Variants in ATM observed in about 807,000 individuals in gnomAD.
ATM encodes serine-protein kinase ATM.
A neutral mutation model predicts 387.0 loss-of-function variants in ATM; 308 were observed. The observed-to-expected ratio is 0.80, with a 90% CI of 0.73 to 0.87. The LOEUF (loss-of-function observed/expected upper bound fraction) is 0.87. ATM is among the 40% of genes least tolerant of loss of function. The pLI is 0.00. For synonymous variants in ATM, 1,156 were observed against 1,187.3 expected, an observed-to-expected ratio of 0.97 and a Z score of 0.54; for missense variants, 3,312 against 3,560.9, an observed-to-expected ratio of 0.93 and a Z score of 1.78.
chr11:108,311,153 T>A (rs1454250159), intron 39 of ATM, among the ~76,000 whole-genome samples: 2 of 152,072 alleles, frequency 1.3e-5, no homozygotes, highest in African/African-American at 2.4e-5. Context: ...ATTTTTATTT[T>A]TAATAGAGAC....
intron 5 of ATM, 197 bp downstream of exon 5, chr11:108,236,031 A>G (rs1032794815): frequency 2.8e-5 from 17 of 604,762 alleles, no homozygotes; most frequent in African/African-American, 2.8e-4. Flanking sequence ...CATGAATAAT[A>G]TATCAGGTGC....
In ATM at chr11:108,310,312, A is replaced by C. The variant is rs730881377; in HGVS notation, c.5915A>C (p.Lys1972Thr). The C allele has an allele frequency of 1.9e-6, 3 of 1,612,798 alleles. No individual in the cohort carries two copies. The highest frequency in any genetic ancestry group is 1.7e-6 in the Non-Finnish European group (2 of 1,179,226). The change falls in exon 39 of 63, where the codon AAA becomes ACA. Residue 1972 changes from lysine (K) to threonine (T), a missense_variant. Physicochemically the swap from Lys to Thr is moderately conservative, Grantham distance 78. Around this residue, in one of 4 missense-constraint regions of ATM, gnomAD observed 1,405 missense variants for 1,604.4 expected, o/e 0.88. Transcript: ENST00000675843. ...AAGAAAAGTATGGATGATCAAGAGAAAAGGTAATGGAATTTAGAATTTTTG... is the reference window on the plus strand; with the variant it reads ...AAGAAAAGTATGGATGATCAAGAGACAAGGTAATGGAATTTAGAATTTTTG... Reference protein sequence around the residue: ...ADKKSMDDQEKRSLAFEEGSQ... With the variant: ...ADKKSMDDQETRSLAFEEGSQ...
chr11:108,325,957 G>A, intron 46 of ATM, 101 bp from the exon 47 acceptor site: 1 of 1,411,276 alleles, frequency 7.1e-7, no homozygotes, highest in Non-Finnish European at 9.8e-7. Context: ...AAGTAGTTAA[G>A]TCCTCAATGA....
chr11:108,338,690 A>G (rs1387341710), intron 56 of ATM, among the ~76,000 whole-genome samples: 2 of 152,040 alleles, frequency 1.3e-5, no homozygotes, highest in Admixed American at 1.3e-4. Context: ...GGTAACCCAG[A>G]TAATTAATTA....
Position 108,254,058 on chromosome 11 carries a change from A to T in ATM, c.2124+19A>T. On this transcript the variant is annotated intron_variant, in intron 13 of 62. Transcript: ENST00000675843. The stretch of plus-strand genomic sequence containing the variant: ...ATCTGAGGTGAGATTTTTTAAAAAA[A>T]GAACTAAGCTTATATATGATTCAAC... The T allele has an allele frequency of 6.2e-7, 1 of 1,607,328 alleles. No individual in the cohort carries two copies. Among genetic ancestry groups the T allele is most frequent in the Non-Finnish European group, 8.5e-7 (1 of 1,175,336 alleles).
At chr11:108,314,043 C>T (rs1489070720) in intron 40 of ATM, among the ~76,000 whole-genome samples, 1 of 152,130 alleles carries the variant, frequency 6.6e-6, no homozygotes, top group African/African-American at 2.4e-5. Context: ...AAAGAAAAAT[C>T]CACGACCTTT....
chr11:108,297,528 TGTGTA>T (rs1407370669), intron 33 of ATM, 146 bp downstream of exon 33: 4 of 723,412 alleles, frequency 5.5e-6, no homozygotes, highest in Non-Finnish European at 9.6e-6. Context: ...GTAGCCTAGG[TGTGTA>T]GTAGGCTATA....
chr11:108,237,981 C>T (rs572761858), intron 5 of ATM, among the ~76,000 whole-genome samples: 2 of 139,452 alleles, frequency 1.4e-5, no homozygotes, highest in Admixed American at 7.9e-5. Flanking sequence ...GGCTGGAGTG[C>T]AGTGGCACGA....
At chr11:108,246,909 G>A (rs2079873896) in intron 7 of ATM, 55 bp from the exon 8 acceptor site, 1 of 1,415,898 alleles carries the variant, frequency 7.1e-7, no homozygotes, top group Non-Finnish European at 9.9e-7. Context: ...GTGGGAGCTA[G>A]CAGTGTAAAC....
chr11:108,241,388 T>A (rs966908731), intron 5 of ATM, among the ~76,000 whole-genome samples: 7 of 152,250 alleles, frequency 4.6e-5, no homozygotes, highest in Non-Finnish European at 1.0e-4. Flanking sequence ...AGTCATTTAT[T>A]ATCATTATCA....
At chr11:108,339,277 TAAAC>T (rs2087220738) in intron 56 of ATM, among the ~76,000 whole-genome samples, 1 of 152,186 alleles carries the variant, frequency 6.6e-6, no homozygotes, top group East Asian at 1.9e-4. Flanking sequence ...AAGTCTCTAA[TAAAC>T]AATATTTAAG....
intron 6 of ATM, among the ~76,000 whole-genome samples, chr11:108,244,324 G>A (rs1239375881): frequency 1.3e-5 from 2 of 152,122 alleles, no homozygotes; most frequent in African/African-American, 2.4e-5. Context: ...TTTCAAGGGG[G>A]AGATGTGTCT....
At chr11:108,356,841 A>AC (rs1206001856) in intron 61 of ATM, among the ~76,000 whole-genome samples, 5 of 152,148 alleles carry the variant, frequency 3.3e-5, no homozygotes. Flanking sequence ...CATTGTAAGG[A>AC]CTTTGGATTT....
intron 13 of ATM, 48 bp downstream of exon 13, chr11:108,254,087 G>A: frequency 6.4e-7 from 1 of 1,572,602 alleles, no homozygotes; most frequent in Non-Finnish European, 8.7e-7. Flanking sequence ...ATTCAACTTT[G>A]GTAAACTGTT....
At chr11:108,239,663 G>C (rs2079462524) in intron 5 of ATM, among the ~76,000 whole-genome samples, 4 of 152,148 alleles carry the variant, frequency 2.6e-5, no homozygotes. Context: ...CCCAGAAGTA[G>C]AATTGCTAGA....
Position 108,330,392 on chromosome 11 carries a change from G to C in ATM, c.7486G>C (p.Gly2496Arg), listed in dbSNP as rs1565530187. 6 of 1,614,098 alleles carry C rather than the reference G, an allele frequency of 3.7e-6. No homozygotes were observed. The highest frequency in any genetic ancestry group is 5.1e-6 in the Non-Finnish European group (6 of 1,179,994). The part of the protein sequence containing the change: ...RLCSLWLENS[G>R]VSEVNGMMKR... ...TTGTTCCCTCTGGCTTGAAAATTCT[G>C]GAGTTTCTGAAGTCAATGGCATGAT... Residue 2496 changes from glycine (G) to arginine (R), a missense_variant, in exon 50 of 63, where the codon GGA becomes CGA. Around this residue, in one of 4 missense-constraint regions of ATM, gnomAD observed 1,405 missense variants for 1,604.4 expected, o/e 0.88. Transcript: ENST00000675843.
intron 56 of ATM, among the ~76,000 whole-genome samples, chr11:108,339,050 G>A (rs1158081229): frequency 6.6e-6 from 1 of 152,146 alleles, no homozygotes; most frequent in Admixed American, 6.5e-5. Context: ...GGAGAGACTT[G>A]TATATTGAGG....
chr11:108,227,665 A>G lies in ATM; in HGVS notation c.41A>G (p.Gln14Arg), dbSNP rs749776879. The G allele has an allele frequency of 1.9e-6, 3 of 1,613,862 alleles. No homozygotes were observed. The highest frequency in any genetic ancestry group is 2.5e-6 in the Non-Finnish European group (3 of 1,179,886). The change falls in exon 2 of 63, where the codon CAA (glutamine) becomes CGA (arginine). Residue 14 changes from glutamine to arginine, a missense_variant. Coordinates refer to ENST00000675843, the MANE Select transcript of ATM (RefSeq NM_000051.4). ...AATGATCTGCTTATCTGCTGCCGTC[A>G]ACTAGAACATGATAGAGCTACAGAA... ...VLNDLLICCRQLEHDRATERK... is the reference protein window; with the variant it reads ...VLNDLLICCRRLEHDRATERK...
chr11:108,292,619 G>T lies in ATM; in HGVS notation c.4437G>T (p.Arg1479Ser), dbSNP rs1591673584. Residue 1479 changes from arginine to serine, a missense_variant and splice_region_variant, in exon 30 of 63, where the codon AGG becomes AGT. Transcript: ENST00000675843. ...TTGTTTTTTTTTCTCCCTATATTAG[G>T]CCTTCTTGTATCATGGATGTGTCAT... Reference protein sequence around the residue: ...IYTLIHYINQRPSCIMDVSLR... With the variant: ...IYTLIHYINQSPSCIMDVSLR... The T allele has an allele frequency of 6.2e-7, 1 of 1,613,418 alleles. No individual in the cohort carries two copies. The highest frequency in any genetic ancestry group is 8.5e-7 in the Non-Finnish European group (1 of 1,179,766).
Sources: gnomAD v4.1 joint callset for allele counts (sites outside exome capture counted in the v4.1 genomes callset) on GRCh38, gnomAD v4.1.1 for gene constraint, gnomAD v4.1.1 regional missense constraint, MANE v1.5 for transcripts, NCBI Gene and HGNC (gene_info 2026-07-23, HGNC 2026-07-21) for gene names.